Variants in CAMK1D observed in about 807,000 individuals in gnomAD.
CAMK1D encodes the protein calcium/calmodulin-dependent protein kinase type 1D.
A neutral mutation model predicts 47.7 loss-of-function variants in CAMK1D; 9 were observed. That is an observed-to-expected ratio of 0.19 (90% CI 0.11 to 0.33). The LOEUF (loss-of-function observed/expected upper bound fraction) is 0.33. CAMK1D is among the 10% of genes least tolerant of loss of function. CAMK1D has a pLI of 1.00. For synonymous variants in CAMK1D, 184 were observed against 184.9 expected, an observed-to-expected ratio of 0.99 and a Z score of 0.04; for missense variants, 291 against 488.7, an observed-to-expected ratio of 0.60 and a Z score of 3.81.
At chr10:12,361,527 G>C (rs1837662266) in intron 1 of CAMK1D, among the ~76,000 whole-genome samples, 1 of 138,378 alleles carries the variant, frequency 7.2e-6, no homozygotes. Context: ...TTACAGGCAT[G>C]AGCCACTGTG....
chr10:12,801,295 G>GTATCTA (rs1302761160), intron 6 of CAMK1D, among the ~76,000 whole-genome samples: 6 of 108,746 alleles, frequency 5.5e-5, no homozygotes, highest in African/African-American at 1.6e-4. Flanking sequence ...CTGTCTGTGT[G>GTATCTA]TGTATCTATC....
intron 2 of CAMK1D, among the ~76,000 whole-genome samples, chr10:12,642,889 T>A (rs896310995): frequency 2.0e-5 from 3 of 152,196 alleles, no homozygotes; most frequent in Non-Finnish European, 1.5e-5. Flanking sequence ...AAATGATGAG[T>A]TAAAAGTAGT....
intron 2 of CAMK1D, among the ~76,000 whole-genome samples, chr10:12,650,491 C>T (rs1378572977): frequency 6.6e-6 from 1 of 152,236 alleles, no homozygotes; most frequent in Non-Finnish European, 1.5e-5. Context: ...TGCCTAGCCT[C>T]ATGCCTGGCA....
At chr10:12,546,719 C>G (rs1032269304) in intron 1 of CAMK1D, among the ~76,000 whole-genome samples, 1 of 150,156 alleles carries the variant, frequency 6.7e-6, no homozygotes, top group Non-Finnish European at 1.5e-5. Context: ...GACAGAAAAC[C>G]AAACACCGCA....
intron 1 of CAMK1D, among the ~76,000 whole-genome samples, chr10:12,549,490 T>A (rs1172646923): frequency 6.6e-6 from 1 of 152,210 alleles, no homozygotes; most frequent in African/African-American, 2.4e-5. Context: ...GTGGCTGTTG[T>A]GAATAATGCC....
intron 1 of CAMK1D, among the ~76,000 whole-genome samples, chr10:12,412,341 G>A (rs1243686929): frequency 6.6e-6 from 1 of 151,784 alleles, no homozygotes; most frequent in African/African-American, 2.4e-5. Context: ...TGGGTGCGGT[G>A]GCTCATGCCT....
At chr10:12,651,969 T>C (rs549975018) in intron 2 of CAMK1D, among the ~76,000 whole-genome samples, 255 of 151,184 alleles carry the variant, frequency 1.7e-3, no homozygotes, top group Middle Eastern at 3.4e-3. Context: ...TCAGTAGAGA[T>C]GGGGTTTCAC....
At chr10:12,367,296 AAC>A (rs1054402283) in intron 1 of CAMK1D, among the ~76,000 whole-genome samples, 1 of 152,088 alleles carries the variant, frequency 6.6e-6, no homozygotes, top group Non-Finnish European at 1.5e-5. Context: ...CCCTCTTCAG[AAC>A]ACAGTCTTTG....
chr10:12,782,615 C>G (rs1837549589), intron 5 of CAMK1D, among the ~76,000 whole-genome samples: 1 of 152,218 alleles, frequency 6.6e-6, no homozygotes, highest in Non-Finnish European at 1.5e-5. Flanking sequence ...GATTTAGTAG[C>G]TGGTGTTCCT....
chr10:12,655,436 A>T (rs1453975789), intron 2 of CAMK1D, among the ~76,000 whole-genome samples: 1 of 152,208 alleles, frequency 6.6e-6, no homozygotes, highest in Non-Finnish European at 1.5e-5. Flanking sequence ...TCACCCATTC[A>T]CTGGTAACTT....
At chr10:12,425,983 A>G (rs967345187) in intron 1 of CAMK1D, among the ~76,000 whole-genome samples, 4 of 152,236 alleles carry the variant, frequency 2.6e-5, no homozygotes, top group Middle Eastern at 6.3e-3. Context: ...GGCTCACTGG[A>G]GAACAGCCCA....
intron 1 of CAMK1D, among the ~76,000 whole-genome samples, chr10:12,551,689 G>A (rs1226300019): frequency 6.6e-6 from 1 of 151,532 alleles, no homozygotes; most frequent in Non-Finnish European, 1.5e-5. Flanking sequence ...AGTGAGCCGA[G>A]ATCACACCAG....
chr10:12,742,880 G>A (rs1034513356), intron 3 of CAMK1D, among the ~76,000 whole-genome samples: 1 of 152,196 alleles, frequency 6.6e-6, no homozygotes, highest in Non-Finnish European at 1.5e-5. Context: ...TCTTCAAGAG[G>A]AGAGCCCGCG....
intron 1 of CAMK1D, among the ~76,000 whole-genome samples, chr10:12,465,498 G>A (rs964083463): frequency 4.6e-5 from 7 of 152,238 alleles, no homozygotes; most frequent in African/African-American, 1.7e-4. Flanking sequence ...CGGATTACAG[G>A]CGCCCACCAC....
At chr10:12,752,682 G>T (rs1836043433) in intron 3 of CAMK1D, among the ~76,000 whole-genome samples, 1 of 152,178 alleles carries the variant, frequency 6.6e-6, no homozygotes, top group African/African-American at 2.4e-5. Context: ...TAGAATCGGG[G>T]TCCTATCAAT....
intron 1 of CAMK1D, among the ~76,000 whole-genome samples, chr10:12,461,465 C>G (rs1052501107): frequency 6.6e-6 from 1 of 151,944 alleles, no homozygotes; most frequent in African/African-American, 2.4e-5. Context: ...CCGAGGTGGG[C>G]GGGTCGCGAG....
intron 2 of CAMK1D, among the ~76,000 whole-genome samples, chr10:12,563,692 A>AGAGAGAGG (rs1195767612): frequency 1.6e-5 from 1 of 63,804 alleles, no homozygotes; most frequent in South Asian, 3.3e-4. Context: ...AGAGAGAGAG[A>AGAGAGAGG]GAGAGAGGGA....
intron 1 of CAMK1D, among the ~76,000 whole-genome samples, chr10:12,505,021 C>T (rs1341795571): frequency 1.3e-5 from 2 of 152,360 alleles, no homozygotes; most frequent in East Asian, 1.9e-4. Flanking sequence ...ACTCTCGCTT[C>T]TAACTGACAG....
chr10:12,759,582 T>C (rs963788312), intron 3 of CAMK1D, among the ~76,000 whole-genome samples: 5 of 152,206 alleles, frequency 3.3e-5, no homozygotes, highest in Non-Finnish European at 7.3e-5. Context: ...GTCATCAAAA[T>C]GTAGTTTCTC....
Sources: allele counts gnomAD v4.1 joint callset (sites outside exome capture counted in the v4.1 genomes callset), GRCh38; gene constraint gnomAD v4.1.1; transcripts MANE v1.5; gene names NCBI Gene and HGNC (gene_info 2026-07-23, HGNC 2026-07-21).